Variants in F13A1 observed in about 807,000 individuals in gnomAD.
F13A1 encodes FSF, A subunit.
F13A1 carries 47 observed loss-of-function variants against 80.1 expected under a neutral mutation model. The observed-to-expected ratio is 0.59, with a 90% CI of 0.46 to 0.75. F13A1 has a LOEUF of 0.75. Among genes scored for constraint, F13A1 ranks in the 30% least tolerant of loss-of-function variants. The probability of loss-of-function intolerance (pLI) is 0.00; values close to 1 mark genes in which losing one functional copy is unlikely to be tolerated. For missense variants in F13A1, 817 were observed against 930.4 expected (o/e 0.88, Z 1.59); for synonymous variants, 349 against 344.9 (o/e 1.01, Z -0.13).
rs1757853295 is a variant in F13A1, at chr6:6,266,893, G to A, written c.320-84C>T. 1.0e-5 allele frequency: 16 copies of A among 1,556,670 alleles called. No homozygotes were observed. The South Asian group carries it at 1.7e-4, about 16-fold the overall frequency. Reference sequence around the variant, plus strand: ...CACTCTGTTATCTTATAGCTGAAGGGACAGGAGTAATCCATTAGAATTATT... The same window carrying A: ...CACTCTGTTATCTTATAGCTGAAGGAACAGGAGTAATCCATTAGAATTATT... On this transcript the variant is annotated intron_variant, in intron 3 of 14. Transcript: ENST00000264870.
intron 2 of F13A1, among the ~76,000 whole-genome samples, chr6:6,317,751 G>A (rs995602933): frequency 2.6e-5 from 4 of 152,102 alleles, no homozygotes; most frequent in African/African-American, 9.7e-5. Flanking sequence ...ACACCCTTAG[G>A]AGTAAAATTA....
chr6:6,241,151 A>G (rs1757479169), intron 6 of F13A1, among the ~76,000 whole-genome samples: 1 of 152,180 alleles, frequency 6.6e-6, no homozygotes, highest in Admixed American at 6.5e-5. Flanking sequence ...AGACAATAAC[A>G]CTTTTAAATA....
At chr6:6,186,622 G>A (rs1273500713) in intron 10 of F13A1, among the ~76,000 whole-genome samples, 11 of 152,156 alleles carry the variant, frequency 7.2e-5, no homozygotes, top group Non-Finnish European at 1.0e-4. Flanking sequence ...TTTGGTGACC[G>A]TAGCCTTGTA....
intron 11 of F13A1, among the ~76,000 whole-genome samples, chr6:6,177,293 C>T (rs1760898432): frequency 1.3e-5 from 2 of 152,210 alleles, no homozygotes; most frequent in South Asian, 4.1e-4. Flanking sequence ...GTCACCTCCC[C>T]TGTCCTCCCC....
chr6:6,291,834 A>G (rs966146515), intron 3 of F13A1, among the ~76,000 whole-genome samples: 2 of 152,124 alleles, frequency 1.3e-5, no homozygotes, highest in Non-Finnish European at 2.9e-5. Flanking sequence ...CGTGTGTATG[A>G]TATCCAAATT....
intron 2 of F13A1, among the ~76,000 whole-genome samples, chr6:6,314,193 G>T (rs1758648342): frequency 6.6e-6 from 1 of 151,936 alleles, no homozygotes; most frequent in African/African-American, 2.4e-5. Flanking sequence ...TGTTGGCCAG[G>T]CTGGTCTCGA....
At chr6:6,221,127 G>A (rs1319318565) in intron 8 of F13A1, among the ~76,000 whole-genome samples, 1 of 152,190 alleles carries the variant, frequency 6.6e-6, no homozygotes, top group Non-Finnish European at 1.5e-5. Context: ...CTCAATGCCT[G>A]ACCACAGAGG....
chr6:6,185,480 T>C (rs1339741841), intron 10 of F13A1, among the ~76,000 whole-genome samples: 1 of 151,168 alleles, frequency 6.6e-6, no homozygotes, highest in Non-Finnish European at 1.5e-5. Flanking sequence ...TGTTTGGTTT[T>C]TGGTTCTTGA....
chr6:6,184,983 T>C (rs942136602), intron 10 of F13A1, among the ~76,000 whole-genome samples: 1 of 152,144 alleles, frequency 6.6e-6, no homozygotes, highest in Non-Finnish European at 1.5e-5. Flanking sequence ...TAGGGAATCA[T>C]CTAGGAGCTT....
intron 10 of F13A1, among the ~76,000 whole-genome samples, chr6:6,184,972 C>A (rs1353252820): frequency 6.6e-6 from 1 of 152,092 alleles, no homozygotes; most frequent in East Asian, 1.9e-4. Context: ...TCTGGTTGTA[C>A]TAGGGAATCA....
chr6:6,272,456 G>A (rs980554572), intron 3 of F13A1, among the ~76,000 whole-genome samples: 3 of 152,054 alleles, frequency 2.0e-5, no homozygotes, highest in African/African-American at 4.8e-5. Flanking sequence ...GCTCCCTCTC[G>A]TGCTCCAAAA....
chr6:6,272,415 A>G (rs1757933592), intron 3 of F13A1, among the ~76,000 whole-genome samples: 2 of 152,178 alleles, frequency 1.3e-5, no homozygotes, highest in African/African-American at 4.8e-5. Flanking sequence ...GGTTGGTATC[A>G]GTGACTGAGT....
chr6:6,209,580 C>CA (rs1761565032), intron 8 of F13A1, among the ~76,000 whole-genome samples: 1 of 151,992 alleles, frequency 6.6e-6, no homozygotes, highest in African/African-American at 2.4e-5. Context: ...TCATGAAAGC[C>CA]AAAAATGGAA....
chr6:6,317,391 G>A (rs1758700457), intron 2 of F13A1, among the ~76,000 whole-genome samples: 1 of 152,092 alleles, frequency 6.6e-6, no homozygotes, highest in South Asian at 2.1e-4. Context: ...CTACAAGTTC[G>A]TCTTAGCCCC....
rs1475416068 is a variant in F13A1 at position 6,250,409 on chromosome 6, C to T, written c.690+402G>A. Among the ~76,000 whole-genome samples the T allele has an allele frequency of 7.8e-6, 1 of 128,814 alleles. No individual in the cohort carries two copies. The highest frequency in any genetic ancestry group is 3.3e-5 in the African/African-American group (1 of 30,432). 84.5% of individuals were successfully genotyped at this position (128,814 alleles called of 152,430 possible). ...TAATTAGCAGTACCCTAGGCTAACA[C>T]TTAAAAAAAAAAAAAAAGAAGCTAT... On this transcript the variant is annotated intron_variant, in intron 5 of 14. Coordinates refer to ENST00000264870, the MANE Select transcript of F13A1 (RefSeq NM_000129.4). The surrounding 1 kb of genome is among the most constrained non-coding windows in gnomAD (Gnocchi z 4.2).
intron 10 of F13A1, among the ~76,000 whole-genome samples, chr6:6,191,151 T>C (rs1449303724): frequency 6.6e-6 from 1 of 151,906 alleles, no homozygotes; most frequent in Non-Finnish European, 1.5e-5. Context: ...ATGAACCCGG[T>C]ACCTCAGATG....
At chr6:6,227,658 G>A (rs1407685834) in intron 6 of F13A1, among the ~76,000 whole-genome samples, 1 of 152,182 alleles carries the variant, frequency 6.6e-6, no homozygotes, top group Non-Finnish European at 1.5e-5. Context: ...CCTTATCACT[G>A]AGACATAAAA....
At chr6:6,152,183 G>C (rs1160939222) in intron 13 of F13A1, among the ~76,000 whole-genome samples, 1 of 152,188 alleles carries the variant, frequency 6.6e-6, no homozygotes, top group Non-Finnish European at 1.5e-5. Context: ...AGCCTAATTA[G>C]AGCTCAGGTC....
At chr6:6,244,595 C>G (rs1459361898) in intron 6 of F13A1, among the ~76,000 whole-genome samples, 1 of 152,122 alleles carries the variant, frequency 6.6e-6, no homozygotes, top group East Asian at 1.9e-4. Context: ...AGTGAAATAA[C>G]AGCAACTCAA....
Sources: gnomAD v4.1 joint callset for allele counts (sites outside exome capture counted in the v4.1 genomes callset) on GRCh38, gnomAD v4.1.1 for gene constraint, Gnocchi (gnomAD v3.1) non-coding constraint, MANE v1.5 for transcripts, NCBI Gene and HGNC (gene_info 2026-07-23, HGNC 2026-07-21) for gene names.